Variants in DNAI4 observed in about 807,000 individuals in gnomAD.
The protein encoded by DNAI4 is WD repeat domain 78.
A neutral mutation model predicts 105.8 loss-of-function variants in DNAI4; 85 were observed. That is an observed-to-expected ratio of 0.80 (90% CI 0.67 to 0.96). The LOEUF is 0.96. Among genes scored for constraint, DNAI4 ranks in the 40% least tolerant of loss-of-function variants. The pLI, the probability that DNAI4 is intolerant of heterozygous loss-of-function variation, is 0.00. For missense variants in DNAI4, 1,014 were observed against 1,005.6 expected, an observed-to-expected ratio of 1.01 and a Z score of -0.11; for synonymous variants, 352 against 331.5, an observed-to-expected ratio of 1.06 and a Z score of -0.67.
intron 7 of DNAI4, among the ~76,000 whole-genome samples, chr1:66,852,764 C>T (rs1353116271): frequency 1.3e-5 from 2 of 152,022 alleles, no homozygotes; most frequent in African/African-American, 4.8e-5. Context: ...ATTCTAACCC[C>T]CAATGTAATG....
chr1:66,878,114 A>C (rs1324483510), intron 4 of DNAI4, among the ~76,000 whole-genome samples: 1 of 152,160 alleles, frequency 6.6e-6, no homozygotes, highest in African/African-American at 2.4e-5. Flanking sequence ...GAATATCTAT[A>C]TAATTATTTG....
At chr1:66,887,134 C>G (rs1392575673) in intron 4 of DNAI4, among the ~76,000 whole-genome samples, 2 of 152,190 alleles carry the variant, frequency 1.3e-5, no homozygotes, top group African/African-American at 4.8e-5. Flanking sequence ...TGTGGGCCCT[C>G]TCTTTCCCAT....
chr1:66,867,088 T>C (rs1646750036), intron 6 of DNAI4, among the ~76,000 whole-genome samples: 1 of 152,164 alleles, frequency 6.6e-6, no homozygotes. Context: ...ACCTCTTCCC[T>C]CTCACAACAT....
chr1:66,849,975 C>T (rs979738696), intron 7 of DNAI4, among the ~76,000 whole-genome samples: 13 of 151,964 alleles, frequency 8.6e-5, no homozygotes, highest in East Asian at 7.7e-4. Flanking sequence ...ATTGGAGGAA[C>T]GGGGTGAGCC....
At chr1:66,837,390 T>C (rs1229300347) in intron 10 of DNAI4, among the ~76,000 whole-genome samples, 2 of 147,600 alleles carry the variant, frequency 1.4e-5, no homozygotes, top group African/African-American at 5.0e-5. Flanking sequence ...AAAAACATAA[T>C]TTTCAAAGGA....
chr1:66,819,573 C>A (rs935644303), intron 16 of DNAI4, among the ~76,000 whole-genome samples: 3 of 152,042 alleles, frequency 2.0e-5, no homozygotes, highest in African/African-American at 7.2e-5. Context: ...TAGACACTTA[C>A]ATATATGTTT....
intron 10 of DNAI4, among the ~76,000 whole-genome samples, chr1:66,836,202 AAGAAAGAGAGAGAGAGAG>A (rs1557908249): frequency 9.8e-5 from 5 of 50,964 alleles, no homozygotes; most frequent in African/African-American, 2.5e-4. Flanking sequence ...GAAAGAAAGA[AAGAAAGAGAGAGAGAGAG>A]AGAGAGAGAG....
chr1:66,879,207 G>A (rs1647017257), intron 4 of DNAI4, among the ~76,000 whole-genome samples: 1 of 152,120 alleles, frequency 6.6e-6, no homozygotes, highest in Non-Finnish European at 1.5e-5. Context: ...TCAAGGCCCT[G>A]CTACCGACCA....
At chr1:66,901,541 A>G (rs1038039793) in intron 2 of DNAI4, among the ~76,000 whole-genome samples, 8 of 151,962 alleles carry the variant, frequency 5.3e-5, no homozygotes, top group African/African-American at 1.7e-4. Context: ...TTCATCAATG[A>G]TTTTTCATTA....
At chr1:66,919,376 C>T (rs1184337604) in intron 1 of DNAI4, among the ~76,000 whole-genome samples, 1 of 152,234 alleles carries the variant, frequency 6.6e-6, no homozygotes, top group Non-Finnish European at 1.5e-5. Flanking sequence ...AGTTCTTCCT[C>T]TATTTAAGGA....
At chr1:66,875,160 A>G (rs1156692150) in intron 4 of DNAI4, among the ~76,000 whole-genome samples, 1 of 152,168 alleles carries the variant, frequency 6.6e-6, no homozygotes, top group Non-Finnish European at 1.5e-5. Flanking sequence ...AGCCTACCCC[A>G]GTCTAATACC....
At chr1:66,817,368 T>C (rs1444020368) in intron 16 of DNAI4, among the ~76,000 whole-genome samples, 1 of 151,674 alleles carries the variant, frequency 6.6e-6, no homozygotes, top group African/African-American at 2.4e-5. Flanking sequence ...AGTCCAGGAG[T>C]TCGAGATGAG....
rs1224451951 is a variant in DNAI4, at chr1:66,862,579, T to TA, written c.941-278dup. On this transcript the variant is annotated intron_variant, in intron 6 of 16. Coordinates refer to ENST00000371026, the MANE Select transcript of DNAI4 (RefSeq NM_024763.5). Reference sequence around the variant, plus strand: ...CCCTCTCTTTAAAGAAATTAAAAATTAAAAAAGAATCTACTGTTTATTTTT... The same window carrying TA: ...CCCTCTCTTTAAAGAAATTAAAAATTAAAAAAAGAATCTACTGTTTATTTTT... Among the ~76,000 whole-genome samples, 13 of 152,230 alleles carry TA rather than the reference T, an allele frequency of 8.5e-5. No individual in the cohort carries two copies. The East Asian group carries it at 2.3e-3, about 27-fold the overall frequency.
In DNAI4 at chr1:66,844,641, C is replaced by T. The variant is rs531049429; in HGVS notation, c.1291+2843G>A. 2.6e-5 allele frequency among the ~76,000 whole-genome samples: 4 copies of T among 152,050 alleles called. No homozygotes were observed. In the East Asian group the frequency reaches 5.8e-4, roughly 22 times the overall value. ...CATAAAGGCTAAAACTATACAGCTT[C>T]TATAAGAAAACTGAGAAGTACAAAT... On this transcript the variant is annotated intron_variant, in intron 8 of 16. Coordinates refer to ENST00000371026, the MANE Select transcript of DNAI4 (RefSeq NM_024763.5).
At chr1:66,863,291 TAATA>T (rs1347899662) in intron 6 of DNAI4, among the ~76,000 whole-genome samples, 1 of 152,234 alleles carries the variant, frequency 6.6e-6, no homozygotes, top group East Asian at 1.9e-4. Context: ...GATGGTGATT[TAATA>T]AATAATTTTT....
chr1:66,860,336 T>C (rs921469077), intron 7 of DNAI4, among the ~76,000 whole-genome samples: 4 of 152,070 alleles, frequency 2.6e-5, no homozygotes, highest in Non-Finnish European at 4.4e-5. Context: ...AATAAAAATA[T>C]TTTTTAAATC....
chr1:66,906,958 A>C (rs1649299210), intron 1 of DNAI4: 1 of 152,086 alleles, frequency 6.6e-6, no homozygotes, highest in Non-Finnish European at 1.5e-5. Flanking sequence ...CTGGTGTCTC[A>C]GGGACTCTTC....
chr1:66,874,682 C>T lies in DNAI4; in HGVS notation c.800+99G>A. ...CTCCCCCCAAACCCCATAGTGTATA[C>T]CCCAGAACCCCCAAGGACCCTTCAC... On this transcript the variant is annotated intron_variant, in intron 5 of 16. Coordinates refer to ENST00000371026, the MANE Select transcript of DNAI4 (RefSeq NM_024763.5). 3 of 1,271,056 alleles carry T rather than the reference C, an allele frequency of 2.4e-6. No homozygotes were observed. The South Asian group carries it at 4.6e-5, about 19-fold the overall frequency. 78.7% of individuals were successfully genotyped at this position (1,271,056 alleles called of 1,614,324 possible).
intron 1 of DNAI4, among the ~76,000 whole-genome samples, chr1:66,920,082 C>A (rs1650355056): frequency 6.6e-6 from 1 of 152,188 alleles, no homozygotes; most frequent in Middle Eastern, 3.2e-3. Context: ...CTTTTCAAAA[C>A]CACCCATGGC....
Sources: gnomAD v4.1 joint callset for allele counts (sites outside exome capture counted in the v4.1 genomes callset) on GRCh38, gnomAD v4.1.1 for gene constraint, MANE v1.5 for transcripts, NCBI Gene and HGNC (gene_info 2026-07-23, HGNC 2026-07-21) for gene names.